The following LRRD1 variants were observed in gnomAD, a reference collection of about 807,000 sequenced individuals.
LRRD1 encodes the protein leucine rich repeats and death domain containing 1.
In LRRD1, 49 loss-of-function variants were observed where a neutral mutation model predicts 69.5. The ratio of observed to expected loss-of-function variants is 0.70; its 90% CI spans 0.56 to 0.89. The LOEUF is 0.89. LRRD1 is among the 40% of genes least tolerant of loss of function. LRRD1 has a pLI of 0.00. For missense variants in LRRD1, 853 were observed against 956.0 expected (o/e 0.89, Z 1.42); for synonymous variants, 303 against 338.9 (o/e 0.89, Z 1.16).
intron 4 of LRRD1, among the ~76,000 whole-genome samples, chr7:92,147,252 G>A (rs1398210592): frequency 3.3e-5 from 5 of 151,922 alleles, no homozygotes; most frequent in African/African-American, 7.3e-5. Context: ...ACTTTTAATC[G>A]AGATGGGGTT....
intron 1 of LRRD1, among the ~76,000 whole-genome samples, chr7:92,177,407 GTTCA>G: frequency 6.6e-6 from 1 of 152,228 alleles, no homozygotes; most frequent in East Asian, 1.9e-4. Context: ...TTAGTGGTTT[GTTCA>G]GATTTTCTTC....
intron 5 of LRRD1, among the ~76,000 whole-genome samples, 194 bp downstream of exon 5, chr7:92,145,889 T>C (rs1820312933): frequency 6.6e-6 from 1 of 152,232 alleles, no homozygotes; most frequent in African/African-American, 2.4e-5. Flanking sequence ...AGTCAGTCTG[T>C]CCTCATAGCC....
chr7:92,145,998 C>T (rs1820314836), intron 5 of LRRD1, 85 bp downstream of exon 5: 12 of 687,452 alleles, frequency 1.7e-5, no homozygotes, highest in Non-Finnish European at 2.8e-5. Context: ...TGTGTTAATA[C>T]GAATGTTTCA....
chr7:92,152,674 CTT>C (rs375384141), intron 3 of LRRD1, among the ~76,000 whole-genome samples: 26 of 139,798 alleles, frequency 1.9e-4, no homozygotes, highest in Admixed American at 2.2e-4. Context: ...TTTAACTATT[CTT>C]TTTTTTTTTT....
At chr7:92,142,766 T>C (rs1820191492), downstream of LRRD1, 1 of 443,778 alleles carries the variant, frequency 2.3e-6, no homozygotes, top group African/African-American at 2.0e-5. Flanking sequence ...GCGGCGCGTC[T>C]GGAGTTGTTC....
chr7:92,173,109 T>C (rs1419854051), intron 1 of LRRD1, among the ~76,000 whole-genome samples: 1 of 152,156 alleles, frequency 6.6e-6, no homozygotes, highest in Non-Finnish European at 1.5e-5. Flanking sequence ...ACAGTCTCTT[T>C]AATAAATGGT....
intron 1 of LRRD1, among the ~76,000 whole-genome samples, chr7:92,168,096 A>T (rs1337304681): frequency 6.6e-6 from 1 of 152,110 alleles, no homozygotes; most frequent in African/African-American, 2.4e-5. Flanking sequence ...GAACTCAAAC[A>T]TGAGGAGGAA....
intron 1 of LRRD1, among the ~76,000 whole-genome samples, chr7:92,166,097 G>T (rs1788903291): frequency 6.6e-6 from 1 of 152,202 alleles, no homozygotes; most frequent in Non-Finnish European, 1.5e-5. Flanking sequence ...TGCGTGGATT[G>T]CAACCTTCCT....
At chr7:92,152,340 A>T (rs926348928) in intron 3 of LRRD1, among the ~76,000 whole-genome samples, 1 of 151,990 alleles carries the variant, frequency 6.6e-6, no homozygotes, top group Non-Finnish European at 1.5e-5. Flanking sequence ...TTTCTTTTTA[A>T]TAATGAGAAG....
chr7:92,167,241 G>A (rs111725532), intron 1 of LRRD1, among the ~76,000 whole-genome samples: 5,108 of 151,562 alleles, frequency 0.034, 248 homozygotes, highest in African/African-American at 0.11. Context: ...GACTACAGGC[G>A]CACGCCACCA....
chr7:92,176,719 A>G (rs1789206565), intron 1 of LRRD1, among the ~76,000 whole-genome samples: 1 of 151,946 alleles, frequency 6.6e-6, no homozygotes, highest in South Asian at 2.1e-4. Context: ...GCATGCCACT[A>G]TGCTGGGCTA....
In LRRD1 at chr7:92,164,391, T is replaced by C; in HGVS notation, c.812A>G (p.His271Arg). The C allele has an allele frequency of 6.5e-7, 1 of 1,548,522 alleles. No homozygotes were observed. Among genetic ancestry groups the C allele is most frequent in the Non-Finnish European group, 8.7e-7 (1 of 1,146,076 alleles). The change falls in exon 2 of 6, where the codon CAT becomes CGT. Residue 271 changes from histidine (H) to arginine (R), a missense_variant. Physicochemically the swap from His to Arg is conservative, Grantham distance 29. This residue lies in a region of LRRD1 where 739 missense variants were observed against 808.0 expected (regional missense o/e 0.91). Coordinates refer to ENST00000458448, the MANE Select transcript of LRRD1 (RefSeq NM_001161528.2). ...ILSLGKNKLR[H>R]IPDTLPSLKT... The stretch of plus-strand genomic sequence containing the variant: ...TAAACTAGGCAGAGTATCTGGTATA[T>C]GTCTTAACTTATTTTTACCCAAACT...
At chr7:92,178,085 G>T (rs769859981) in intron 1 of LRRD1, among the ~76,000 whole-genome samples, 1 of 152,174 alleles carries the variant, frequency 6.6e-6, no homozygotes, top group African/African-American at 2.4e-5. Context: ...AGGCCCAGGC[G>T]TGCAGATCAC....
In LRRD1 at chr7:92,163,350, G is replaced by A. The variant is rs544374478; in HGVS notation, c.1853C>T (p.Pro618Leu). The A allele has an allele frequency of 9.1e-6, 14 of 1,539,662 alleles. No individual in the cohort carries two copies. The South Asian group carries it at 1.3e-4, about 15-fold the overall frequency. The change falls in exon 2 of 6, where the codon CCT (proline) becomes CTT (leucine). Residue 618 changes from proline to leucine, a missense_variant. Transcript: ENST00000458448. ...NFSSNQFIHFPIELCQLQSLE... is the reference protein window; with the variant it reads ...NFSSNQFIHFLIELCQLQSLE... ...TGATTGAAGTTGGCACAGTTCAATA[G>A]GAAAATGTATAAATTGATTGCTTGA...
chr7:92,164,726 G>A lies in LRRD1; in HGVS notation c.477C>T (p.Asp159=). The change falls in exon 2 of 6, where the codon GAC becomes GAT. Residue 159 remains aspartate, a synonymous_variant. Coordinates refer to ENST00000458448, the MANE Select transcript of LRRD1 (RefSeq NM_001161528.2). ...ATTTTACATATTTGATTTTTAAAAT[G>A]TCCTTAGGAAATTCCTGTAAACCCT... ...EAKGLQEFPK[D]ILKIKYVKYL... is the part of the protein sequence containing the mutation. 2.6e-6 allele frequency: 4 copies of A among 1,550,772 alleles called. No homozygotes were observed. Among genetic ancestry groups the A allele is most frequent in the East Asian group, 2.4e-5 (1 of 40,882 alleles).
intron 1 of LRRD1, among the ~76,000 whole-genome samples, chr7:92,174,734 T>G (rs1423713964): frequency 6.6e-6 from 1 of 151,022 alleles, no homozygotes; most frequent in Non-Finnish European, 1.5e-5. Flanking sequence ...AAAAAATATT[T>G]AATAAAACTT....
At chr7:92,162,093 CTGTT>C (rs958842301) in intron 2 of LRRD1, among the ~76,000 whole-genome samples, 1 of 152,176 alleles carries the variant, frequency 6.6e-6, no homozygotes, top group Non-Finnish European at 1.5e-5. Flanking sequence ...TAAAAATTGT[CTGTT>C]AGTGCAAAAT....
At position 92,163,435 on chromosome 7, in the gene LRRD1, G is replaced by T; in HGVS notation, c.1768C>A (p.Gln590Lys). 2 of 1,545,802 alleles carry T rather than the reference G, an allele frequency of 1.3e-6. No individual in the cohort carries two copies. The highest frequency in any genetic ancestry group is 1.7e-6 in the Non-Finnish European group (2 of 1,145,310). ...ATGTCTGAAGAGATTTTCTGTAATT[G>T]GTTTTCCGAAAGATCAAGTACTTGC... ...NLQVLDLSEN[Q>K]LQKISSDICN... Residue 590 changes from glutamine to lysine, a missense_variant, in exon 2 of 6, where the codon CAA (glutamine) becomes AAA (lysine). Around this residue, in one of 3 missense-constraint regions of LRRD1, gnomAD observed 739 missense variants for 808.0 expected, o/e 0.91. Coordinates refer to ENST00000458448, the MANE Select transcript of LRRD1 (RefSeq NM_001161528.2).
At position 92,164,761 on chromosome 7, in the gene LRRD1, G is replaced by T; in HGVS notation, c.442C>A (p.Leu148Ile). ...GLGADNFTVNLEAKGLQEFPK... is the reference protein window; with the variant it reads ...GLGADNFTVNIEAKGLQEFPK... ...AATTCCTGTAAACCCTTGGCCTCAA[G>T]GTTAACTGTAAAGTTATCTGCCCCT... Residue 148 changes from leucine (L) to isoleucine (I), a missense_variant, in exon 2 of 6, where the codon CTT (leucine) becomes ATT (isoleucine). Physicochemically the swap from Leu to Ile is conservative, Grantham distance 5 (BLOSUM62 2). This residue lies in a region of LRRD1 where 739 missense variants were observed against 808.0 expected (regional missense o/e 0.91). Coordinates refer to ENST00000458448, the MANE Select transcript of LRRD1 (RefSeq NM_001161528.2). The T allele has an allele frequency of 1.3e-6, 2 of 1,551,304 alleles. No individual in the cohort carries two copies.
Sources: allele counts gnomAD v4.1 joint callset (sites outside exome capture counted in the v4.1 genomes callset), GRCh38; gene constraint gnomAD v4.1.1; regional missense constraint gnomAD v4.1.1; transcripts MANE v1.5; gene names NCBI Gene and HGNC (gene_info 2026-07-23, HGNC 2026-07-21).